Variants in ERBIN observed in about 807,000 individuals in gnomAD.
ERBIN encodes erbb2 interacting protein, also known as densin-180-like protein.
In ERBIN, 60 loss-of-function variants were observed where a neutral mutation model predicts 158.4. The observed-to-expected ratio is 0.38, with a 90% CI of 0.31 to 0.47. The LOEUF is 0.47. ERBIN is among the 20% of genes least tolerant of loss of function. ERBIN has a pLI of 0.99. For missense variants in ERBIN, 1,610 were observed against 1,648.0 expected (o/e 0.98, Z 0.40); for synonymous variants, 594 against 557.2 (o/e 1.07, Z -0.93).
chr5:65,996,132 T>C (rs1752403947), intron 4 of ERBIN, among the ~76,000 whole-genome samples: 1 of 152,154 alleles, frequency 6.6e-6, no homozygotes, highest in African/African-American at 2.4e-5. Context: ...TTTGTCTGTT[T>C]TTGCTTTTTT....
rs149356337 is a variant in ERBIN at position 66,020,536 on chromosome 5, A to G, written c.534-786A>G. Reference sequence around the variant, plus strand: ...GAATTTCTTATCTGGGTAACTGGTTACATCTCAATGTATTAAATAATAGGT... The same window carrying G: ...GAATTTCTTATCTGGGTAACTGGTTGCATCTCAATGTATTAAATAATAGGT... On this transcript the variant is annotated intron_variant, in intron 7 of 25. Coordinates refer to ENST00000284037, the MANE Select transcript of ERBIN (RefSeq NM_001253697.2). 5.9e-4 allele frequency among the ~76,000 whole-genome samples: 90 copies of G among 152,156 alleles called. 1 individual carries two copies. The East Asian group carries it at 0.015, about 25-fold the overall frequency.
chr5:66,039,139 T>A (rs1292284104), intron 15 of ERBIN, among the ~76,000 whole-genome samples: 3 of 151,952 alleles, frequency 2.0e-5, no homozygotes, highest in Non-Finnish European at 2.9e-5. Context: ...ATAAATTAAT[T>A]CTTAGTACAT....
chr5:65,946,920 A>G (rs530103012), intron 1 of ERBIN, among the ~76,000 whole-genome samples: 26 of 150,720 alleles, frequency 1.7e-4, no homozygotes, highest in South Asian at 4.2e-4. Context: ...TTCAACATCT[A>G]TATTCTCTTC....
chr5:66,029,737 T>C (rs1321381657), intron 14 of ERBIN, among the ~76,000 whole-genome samples: 2 of 152,104 alleles, frequency 1.3e-5, no homozygotes, highest in Non-Finnish European at 2.9e-5. Flanking sequence ...CCCGAGTAGC[T>C]GGGACTACAG....
rs547631572 is a variant in ERBIN, at chr5:65,932,866, G to A, written c.-58+6060G>A. On this transcript the variant is annotated intron_variant, in intron 1 of 25. Coordinates refer to ENST00000284037, the MANE Select transcript of ERBIN (RefSeq NM_001253697.2). ...GGCTGGAGTGCAGTGGCATACTCAC[G>A]GCTCACTGCAGCCTCGGACTCCTGG... Among the ~76,000 whole-genome samples, 20 of 152,112 alleles carry A rather than the reference G, an allele frequency of 1.3e-4. No individual in the cohort carries two copies. The East Asian group carries it at 3.7e-3, about 28-fold the overall frequency.
chr5:65,975,255 G>GC (rs1246209002), intron 1 of ERBIN, among the ~76,000 whole-genome samples: 2 of 152,114 alleles, frequency 1.3e-5, no homozygotes, highest in Non-Finnish European at 2.9e-5. Context: ...TGATCTGCCT[G>GC]CCTCGGCCTC....
chr5:65,955,175 C>G (rs1746952530), intron 1 of ERBIN, among the ~76,000 whole-genome samples: 1 of 152,024 alleles, frequency 6.6e-6, no homozygotes, highest in Non-Finnish European at 1.5e-5. Flanking sequence ...AAATGCCAAC[C>G]ATTTTTTTTC....
At chr5:65,974,909 G>A (rs1309001557) in intron 1 of ERBIN, among the ~76,000 whole-genome samples, 1 of 152,242 alleles carries the variant, frequency 6.6e-6, no homozygotes. Flanking sequence ...GATGTGTGGT[G>A]TGATGGAAGC....
At chr5:66,010,791 ATG>A (rs1316102585) in intron 4 of ERBIN, among the ~76,000 whole-genome samples, 1 of 152,200 alleles carries the variant, frequency 6.6e-6, no homozygotes, top group Non-Finnish European at 1.5e-5. Context: ...AATGTCTTAA[ATG>A]TTTTTTATTA....
In ERBIN at chr5:66,042,955, C is replaced by T. The variant is rs550415142; in HGVS notation, c.1307-122C>T. ...TAGGATTTCTAATTTCTTGCATTGA[C>T]CATTCTTAACTATTTTAGACTTATT... On this transcript the variant is annotated intron_variant, in intron 15 of 25. Coordinates refer to ENST00000284037, the MANE Select transcript of ERBIN (RefSeq NM_001253697.2). 1,526 of 689,926 alleles carry T rather than the reference C, an allele frequency of 2.2e-3. 6 individuals carry two copies. Among genetic ancestry groups the T allele is most frequent in the South Asian group, 5.2e-3 (232 of 44,632 alleles). 42.7% of individuals were successfully genotyped at this position (689,926 alleles called of 1,614,324 possible). A position where few individuals can be genotyped will look rare whatever the true frequency, so the allele number is the denominator to read the frequency against.
At chr5:66,007,924 A>G (rs1753799829) in intron 4 of ERBIN, among the ~76,000 whole-genome samples, 1 of 152,220 alleles carries the variant, frequency 6.6e-6, no homozygotes, top group Non-Finnish European at 1.5e-5. Context: ...ATGTGGTAGG[A>G]ACTGAAGTCA....
chr5:66,070,303 A>G (rs918809983), intron 21 of ERBIN, among the ~76,000 whole-genome samples: 5 of 152,068 alleles, frequency 3.3e-5, no homozygotes, highest in Non-Finnish European at 5.9e-5. Context: ...TCAGCCTCAC[A>G]AAGTGTTGGG....
intron 23 of ERBIN, 76 bp from the exon 24 acceptor site, chr5:66,076,240 G>A: frequency 2.8e-6 from 3 of 1,069,014 alleles, no homozygotes; most frequent in Non-Finnish European, 4.3e-6. Context: ...TAACCAATCA[G>A]TATTTAAATA....
intron 21 of ERBIN, among the ~76,000 whole-genome samples, chr5:66,055,526 A>G (rs1050301721): frequency 8.5e-5 from 13 of 152,130 alleles, no homozygotes; most frequent in Non-Finnish European, 8.8e-5. Context: ...GCAATAGTTG[A>G]TTAAATAACT....
chr5:66,054,631 T>C lies in ERBIN; in HGVS notation c.3313T>C (p.Leu1105=), dbSNP rs113520078. Residue 1105 remains leucine, a synonymous_variant, in exon 21 of 26, where the codon TTA becomes CTA. Transcript: ENST00000284037. Reference sequence around the variant, plus strand: ...GGCTCAGATTCCTGAAGGAGATTATTTATCATACAGAGAGTTCCACTCAGC... The same window carrying C: ...GGCTCAGATTCCTGAAGGAGATTATCTATCATACAGAGAGTTCCACTCAGC... ...RRAQIPEGDY[L]SYREFHSAGR... 1,850 of 1,614,106 alleles carry C rather than the reference T, an allele frequency of 1.1e-3. 26 individuals carry two copies. The African/African-American group carries it at 0.022, about 19-fold the overall frequency.
chr5:66,019,945 A>G (rs1044641692), intron 7 of ERBIN, among the ~76,000 whole-genome samples: 1 of 152,098 alleles, frequency 6.6e-6, no homozygotes, highest in Non-Finnish European at 1.5e-5. Context: ...CACCTGGTAT[A>G]GTTATTTGAA....
rs139806733 is a variant in ERBIN at position 66,010,102 on chromosome 5, C to T, written c.308-1947C>T. On this transcript the variant is annotated intron_variant, in intron 4 of 25. Transcript: ENST00000284037. ...CATCCTCACAAACACTTGTTACTTT[C>T]GCGTATTGCATTTATTTGTTAGGTC... Among the ~76,000 whole-genome samples the T allele has an allele frequency of 2.2e-3, 330 of 152,216 alleles. 2 individuals carry two copies. Among genetic ancestry groups the T allele is most frequent in the African/African-American group, 7.8e-3 (322 of 41,540 alleles).
chr5:66,032,737 G>T (rs1220557997), intron 14 of ERBIN, among the ~76,000 whole-genome samples: 1 of 152,154 alleles, frequency 6.6e-6, no homozygotes, highest in East Asian at 1.9e-4. Flanking sequence ...AGAACACGTT[G>T]CCTTGAACTA....
At chr5:66,061,869 G>A (rs1165424145) in intron 21 of ERBIN, among the ~76,000 whole-genome samples, 2 of 152,238 alleles carry the variant, frequency 1.3e-5, no homozygotes, top group East Asian at 3.9e-4. Context: ...TTGGATATTG[G>A]CCCCCACTCT....
Sources: gnomAD v4.1 joint callset for allele counts (sites outside exome capture counted in the v4.1 genomes callset) on GRCh38, gnomAD v4.1.1 for gene constraint, MANE v1.5 for transcripts, NCBI Gene and HGNC (gene_info 2026-07-23, HGNC 2026-07-21) for gene names.